The following TMEM127 variants were observed in gnomAD, a reference collection of about 807,000 sequenced individuals.
TMEM127 encodes transmembrane protein 127.
TMEM127 carries 21 observed loss-of-function variants against 20.1 expected under a neutral mutation model. That is an observed-to-expected ratio of 1.04 (90% CI 0.74 to 1.50). TMEM127 has a LOEUF of 1.50. TMEM127 is among the 40% of genes most tolerant of loss of function. TMEM127 has a pLI of 0.00. For missense variants in TMEM127, 303 were observed against 317.4 expected (o/e 0.95, Z 0.34); for synonymous variants, 150 against 144.7 (o/e 1.04, Z -0.26).
intron 2 of TMEM127, among the ~76,000 whole-genome samples, chr2:96,262,252 CTG>C (rs1444322317): frequency 7.0e-6 from 1 of 142,248 alleles, no homozygotes; most frequent in African/African-American, 2.6e-5. Context: ...GAGCAAGAGT[CTG>C]TCTCATTTAA....
intron 1 of TMEM127, among the ~76,000 whole-genome samples, 155 bp from the exon 2 acceptor site, chr2:96,265,667 A>G (rs1390276113): frequency 6.6e-6 from 1 of 151,632 alleles, no homozygotes; most frequent in Admixed American, 6.6e-5. Context: ...GGGTCTGGGC[A>G]GACTCGAGTG....
In TMEM127 at chr2:96,265,437, CG is replaced by C; in HGVS notation, c.-57del. 7.6e-7 allele frequency: 1 copy of C among 1,310,026 alleles called. No individual in the cohort carries two copies. The highest frequency in any genetic ancestry group is 9.6e-7 in the Non-Finnish European group (1 of 1,036,620). The allele number at this position is 1,310,026 out of a possible 1,614,324, so 81.2% of individuals were successfully genotyped here. On this transcript the variant is annotated 5_prime_UTR_variant, in exon 2 of 4. Transcript: ENST00000258439. ...CGCTGCTGGTCGCCGCCGACCTCCG[CG>C]GGGCGCGCAGAGCCTGACAGTCCGG...
chr2:96,261,621 A>G (rs146712546), intron 2 of TMEM127, among the ~76,000 whole-genome samples: 1 of 152,308 alleles, frequency 6.6e-6, no homozygotes, highest in East Asian at 1.9e-4. Flanking sequence ...ACTCAACTAG[A>G]ATAGGAAAGT....
In TMEM127 at chr2:96,255,012, C is replaced by T. The variant is rs760161880; in HGVS notation, c.245-15G>A. On this transcript the variant is annotated splice_polypyrimidine_tract_variant and intron_variant, in intron 2 of 3. Coordinates refer to ENST00000258439, the MANE Select transcript of TMEM127 (RefSeq NM_017849.4). Reference sequence around the variant, plus strand: ...CATGCAGAAATCTGTAGAGGGAGAACCAAATTTTCACGGCCCCAAGTAACA... The same window carrying T: ...CATGCAGAAATCTGTAGAGGGAGAATCAAATTTTCACGGCCCCAAGTAACA... The T allele has an allele frequency of 1.9e-6, 3 of 1,613,910 alleles. No individual in the cohort carries two copies. The highest frequency in any genetic ancestry group is 1.1e-5 in the South Asian group (1 of 91,074).
rs538232265 is a variant in TMEM127, at chr2:96,263,107, A to G, written c.244+2031T>C. Among the ~76,000 whole-genome samples, 5 of 149,912 alleles carry G rather than the reference A, an allele frequency of 3.3e-5. No individual in the cohort carries two copies. In the Admixed American group the frequency reaches 3.3e-4, roughly 10 times the overall value. On this transcript the variant is annotated intron_variant, in intron 2 of 3. Coordinates refer to ENST00000258439, the MANE Select transcript of TMEM127 (RefSeq NM_017849.4). ...TGCTCTGTTGCCCAGGCTGGAGTGC[A>G]GTGGTGTGATCTTGGGCTCACTGCA...
At chr2:96,259,265 G>C (rs1399044838) in intron 2 of TMEM127, among the ~76,000 whole-genome samples, 1 of 152,226 alleles carries the variant, frequency 6.6e-6, no homozygotes, top group Non-Finnish European at 1.5e-5. Flanking sequence ...GAGGAGTCGG[G>C]GGCTCCAGAA....
At chr2:96,259,402 TAATC>T (rs1385703728) in intron 2 of TMEM127, among the ~76,000 whole-genome samples, 1 of 152,242 alleles carries the variant, frequency 6.6e-6, no homozygotes, top group Non-Finnish European at 1.5e-5. Flanking sequence ...TCCCTGGAGA[TAATC>T]AATCAATTCC....
rs992231489 is a variant in TMEM127, at chr2:96,251,660, T to G, written c.*2148A>C. 22 of 232,814 alleles carry G rather than the reference T, an allele frequency of 9.4e-5. No individual in the cohort carries two copies. Among genetic ancestry groups the G allele is most frequent in the African/African-American group, 4.4e-4 (20 of 45,204 alleles). 14.4% of individuals were successfully genotyped at this position (232,814 alleles called of 1,614,324 possible). A position where few individuals can be genotyped will look rare whatever the true frequency, so the allele number is the denominator to read the frequency against. ...TTGTCATTTCCATTCTTATTCGTGG[T>G]TTCTGGTTTTTTTGGTTTTGTTTTC... On this transcript the variant is annotated 3_prime_UTR_variant, in exon 4 of 4. Coordinates refer to ENST00000258439, the MANE Select transcript of TMEM127 (RefSeq NM_017849.4).
chr2:96,256,837 A>G (rs1684217908), intron 2 of TMEM127, among the ~76,000 whole-genome samples: 1 of 152,166 alleles, frequency 6.6e-6, no homozygotes, highest in Non-Finnish European at 1.5e-5. Flanking sequence ...GTATAAAACA[A>G]GGTTCCAAAA....
intron 2 of TMEM127, among the ~76,000 whole-genome samples, chr2:96,256,528 G>C (rs1007200495): frequency 8.3e-4 from 119 of 142,822 alleles, no homozygotes; most frequent in African/African-American, 2.9e-3. Flanking sequence ...CCGAGATTGC[G>C]CCTTCACACT....
chr2:96,257,931 T>C (rs1573972646), intron 2 of TMEM127, among the ~76,000 whole-genome samples: 1 of 151,548 alleles, frequency 6.6e-6, no homozygotes, highest in African/African-American at 2.4e-5. Flanking sequence ...AAGTAGGAAA[T>C]GGGCCTTAAC....
chr2:96,255,103 G>A, intron 2 of TMEM127, 106 bp from the exon 3 acceptor site: 5 of 1,498,810 alleles, frequency 3.3e-6, no homozygotes, highest in African/African-American at 1.4e-5. Context: ...TGGGAGCCAG[G>A]GCAGTTCTGG....
Position 96,253,158 on chromosome 2 carries a change from C to G in TMEM127, c.*650G>C. 1 of 233,880 alleles carries G rather than the reference C, an allele frequency of 4.3e-6. No homozygotes were observed. The highest frequency in any genetic ancestry group is 8.5e-6 in the Non-Finnish European group (1 of 118,216). 14.5% of individuals were successfully genotyped at this position (233,880 alleles called of 1,614,324 possible). A position where few individuals can be genotyped will look rare whatever the true frequency, so the allele number is the denominator to read the frequency against. On this transcript the variant is annotated 3_prime_UTR_variant, in exon 4 of 4. Transcript: ENST00000258439. The surrounding 1 kb of genome is among the most constrained non-coding windows in gnomAD (Gnocchi z 4.3). ...AGGGGGCCTCAGTCTCACGCTGGCTCCTGCTCTCCTTGCCTGGGCTCCAGC... is the reference window on the plus strand; with the variant it reads ...AGGGGGCCTCAGTCTCACGCTGGCTGCTGCTCTCCTTGCCTGGGCTCCAGC...
chr2:96,254,352 C>G (rs180978470), intron 3 of TMEM127, among the ~76,000 whole-genome samples: 77 of 152,306 alleles, frequency 5.1e-4, no homozygotes, highest in African/African-American at 1.7e-3. Flanking sequence ...CAAATAGGGT[C>G]ATGCAGCTTG....
rs1285100095 is a variant in TMEM127 at position 96,253,899 on chromosome 2, T to A, written c.626A>T (p.Glu209Val). The A allele has an allele frequency of 1.9e-6, 3 of 1,613,932 alleles. No homozygotes were observed. The Admixed American group carries it at 5.0e-5, about 27-fold the overall frequency. Residue 209 changes from glutamate (E) to valine (V), a missense_variant, in exon 4 of 4, where the codon GAG becomes GTG. Transcript: ENST00000258439. This position sits in a 1 kb window ranked among gnomAD's most constrained non-coding sequence, Gnocchi z 4.3. Reference sequence around the variant, plus strand: ...GTTCTCTTCCATCTCTGAGAGCAGCTCCAGCGCCTGCTCCTCTTCCTCTGT... The same window carrying A: ...GTTCTCTTCCATCTCTGAGAGCAGCACCAGCGCCTGCTCCTCTTCCTCTGT... ...YPTEEEEQAL[E>V]LLSEMEENEP...
chr2:96,261,114 G>A (rs1232402675), intron 2 of TMEM127, among the ~76,000 whole-genome samples: 2 of 152,148 alleles, frequency 1.3e-5, no homozygotes, highest in African/African-American at 4.8e-5. Flanking sequence ...GCCCTTTGGT[G>A]GCCACACTTG....
chr2:96,249,386 G>C lies in TMEM127; in HGVS notation c.*4422C>G, dbSNP rs1021662530. ...GCTGGGATAATAGGCGTGAGCCACC[G>C]CACCCGGCCAGAACTGATCTTAATT... On this transcript the variant is annotated 3_prime_UTR_variant, in exon 4 of 4. Coordinates refer to ENST00000258439, the MANE Select transcript of TMEM127 (RefSeq NM_017849.4). 4.6e-6 allele frequency: 1 copy of C among 216,618 alleles called. No individual in the cohort carries two copies. The allele number at this position is 216,618 out of a possible 1,614,324, so 13.4% of individuals were successfully genotyped here.
intron 2 of TMEM127, among the ~76,000 whole-genome samples, chr2:96,257,945 C>G (rs1375712333): frequency 6.6e-6 from 1 of 152,128 alleles, no homozygotes; most frequent in Non-Finnish European, 1.5e-5. Flanking sequence ...CCTTAACTTC[C>G]TCTCCTTCTT....
rs560669448 is a variant in TMEM127, at chr2:96,258,115, G to A, written c.245-3118C>T. On this transcript the variant is annotated intron_variant, in intron 2 of 3. Transcript: ENST00000258439. ...TGTGGGGTGTGATCATCAATCTCTA[G>A]GGCATACCCAAATCACTGTGGCACT... Among the ~76,000 whole-genome samples, 8 of 152,276 alleles carry A rather than the reference G, an allele frequency of 5.3e-5. No homozygotes were observed. The East Asian group carries it at 1.5e-3, about 29-fold the overall frequency.
Sources: allele counts gnomAD v4.1 joint callset (sites outside exome capture counted in the v4.1 genomes callset), GRCh38; gene constraint gnomAD v4.1.1; non-coding constraint Gnocchi (gnomAD v3.1); transcripts MANE v1.5; gene names NCBI Gene and HGNC (gene_info 2026-07-23, HGNC 2026-07-21).